The following CLIP4 variants were observed in gnomAD, a reference collection of about 807,000 sequenced individuals.
CLIP4 encodes CAP-Gly domain containing linker protein family member 4.
A neutral mutation model predicts 73.1 loss-of-function variants in CLIP4; 47 were observed. The observed-to-expected ratio is 0.64, with a 90% CI of 0.51 to 0.82. The LOEUF is 0.82. CLIP4 is among the 40% of genes least tolerant of loss of function. The pLI, the probability that CLIP4 is intolerant of heterozygous loss-of-function variation, is 0.00. For synonymous variants in CLIP4, 306 were observed against 295.4 expected (o/e 1.04, Z -0.37); for missense variants, 874 against 852.9 (o/e 1.02, Z -0.31).
intron 1 of CLIP4, among the ~76,000 whole-genome samples, chr2:29,100,182 G>A (rs1667999853): frequency 6.6e-6 from 1 of 151,948 alleles, no homozygotes; most frequent in African/African-American, 2.4e-5. Context: ...CGCCCACCGT[G>A]GCCTCCCAAA....
intron 1 of CLIP4, among the ~76,000 whole-genome samples, chr2:29,101,336 C>T (rs570662522): frequency 3.3e-5 from 5 of 151,034 alleles, no homozygotes; most frequent in Admixed American, 6.6e-5. Context: ...GTAGGGAAGC[C>T]GATAGTACAA....
At chr2:29,174,778 G>T in intron 15 of CLIP4, 1 of 599,908 alleles carries the variant, frequency 1.7e-6, no homozygotes. Flanking sequence ...TGAGAGATTT[G>T]ATTTAATATT....
At position 29,181,870 on chromosome 2, in the gene CLIP4, A is replaced by G; in HGVS notation, c.2095A>G (p.Lys699Glu). ...RVTYRGINGS[K>E]LVDENC ...GACCTATCGGGGAATTAATGGGTCA[A>G]AACTTGTGGATGAGAATTGTTAAGC... is the stretch of plus-strand genomic sequence containing the variant. The change falls in exon 16 of 16, where the codon AAA becomes GAA. Residue 699 changes from lysine (K) to glutamate (E), a missense_variant. Lys to Glu is a moderately conservative substitution (Grantham distance 56). Transcript: ENST00000320081. 1.2e-6 allele frequency: 2 copies of G among 1,608,412 alleles called. No homozygotes were observed. The highest frequency in any genetic ancestry group is 1.7e-6 in the Non-Finnish European group (2 of 1,176,004).
rs745464882 is a variant in CLIP4, at chr2:29,123,727, C to T, written c.133+2206C>T. ...GAGAAGGAATTGGAGAGTAAGACAC[C>T]GGCCAGGTCATGCGGGGTCATGTAG... On this transcript the variant is annotated intron_variant, in intron 2 of 15. Transcript: ENST00000320081. 7.2e-5 allele frequency among the ~76,000 whole-genome samples: 11 copies of T among 152,186 alleles called. 1 individual carries two copies. The South Asian group carries it at 1.2e-3, about 17-fold the overall frequency.
At position 29,178,842 on chromosome 2, in the gene CLIP4, T is replaced by C. The variant is rs569602192; in HGVS notation, c.1797-2730T>C. ...CAGAGTCTTGCTCTGTCGCCCAGGC[T>C]GGAGAGCAGTGGCACTATCTCAGCT... is the stretch of plus-strand genomic sequence containing the variant. On this transcript the variant is annotated intron_variant, in intron 15 of 15. Coordinates refer to ENST00000320081, the MANE Select transcript of CLIP4 (RefSeq NM_024692.6). 3.9e-5 allele frequency among the ~76,000 whole-genome samples: 6 copies of C among 152,308 alleles called. No homozygotes were observed. In the South Asian group the frequency reaches 1.2e-3, roughly 32 times the overall value.
In CLIP4 at chr2:29,143,627, A is replaced by C. The variant is rs971886400; in HGVS notation, c.649-82A>C. The C allele has an allele frequency of 2.1e-5, 19 of 917,304 alleles. No individual in the cohort carries two copies. The African/African-American group carries it at 2.8e-4, about 14-fold the overall frequency. The allele number at this position is 917,304 out of a possible 1,614,324, so 56.8% of individuals were successfully genotyped here. A position where few individuals can be genotyped will look rare whatever the true frequency, so the allele number is the denominator to read the frequency against. On this transcript the variant is annotated intron_variant, in intron 6 of 15. Coordinates refer to ENST00000320081, the MANE Select transcript of CLIP4 (RefSeq NM_024692.6). ...ACAAATGATGAATGAATTTAACGTA[A>C]AGTTCTTCCAACAGAAATTTTATAT...
chr2:29,126,457 A>G (rs565093281), intron 2 of CLIP4, among the ~76,000 whole-genome samples: 2 of 152,342 alleles, frequency 1.3e-5, no homozygotes, highest in East Asian at 3.9e-4. Context: ...GAGAATAACA[A>G]TAGTGCCTAC....
In CLIP4 at chr2:29,156,402, T is replaced by C. The variant is rs925930429; in HGVS notation, c.1214T>C (p.Leu405Ser). 12 of 1,589,362 alleles carry C rather than the reference T, an allele frequency of 7.6e-6. No individual in the cohort carries two copies. The highest frequency in any genetic ancestry group is 1.0e-5 in the Non-Finnish European group (12 of 1,174,092). ...KDSASESTLS[L>S]PPGEELKTVT... ...AGTGCTTCTGAGTCAACACTTTCAT[T>C]GCCTCCTGGTGAAGAACTTAAAACT... The change falls in exon 10 of 16, where the codon TTG becomes TCG. Residue 405 changes from leucine (L) to serine (S), a missense_variant. By Grantham distance (145) the Leu-to-Ser change is moderately radical. Coordinates refer to ENST00000320081, the MANE Select transcript of CLIP4 (RefSeq NM_024692.6).
intron 1 of CLIP4, 95 bp from the exon 2 acceptor site, chr2:29,121,279 T>C: frequency 8.3e-7 from 1 of 1,199,620 alleles, no homozygotes; most frequent in Non-Finnish European, 1.1e-6. Context: ...TCAGCAGATT[T>C]GACGTCAAAT....
intron 12 of CLIP4, among the ~76,000 whole-genome samples, chr2:29,162,432 G>A (rs553451239): frequency 1.3e-5 from 2 of 152,092 alleles, no homozygotes; most frequent in South Asian, 4.1e-4. Context: ...GTGCCACCTT[G>A]GAAAGAAAAT....
chr2:29,149,801 T>C (rs888776787), intron 8 of CLIP4, among the ~76,000 whole-genome samples: 3 of 151,952 alleles, frequency 2.0e-5, no homozygotes, highest in Non-Finnish European at 2.9e-5. Flanking sequence ...TTTTAAGCCA[T>C]AGAATTAAAT....
intron 13 of CLIP4, among the ~76,000 whole-genome samples, chr2:29,166,486 ACT>A (rs1250529469): frequency 6.6e-6 from 1 of 151,604 alleles, no homozygotes; most frequent in Non-Finnish European, 1.5e-5. Flanking sequence ...CTTTAGAGAA[ACT>A]CTAGGAAAAC....
chr2:29,105,458 C>T (rs188768480), intron 1 of CLIP4, among the ~76,000 whole-genome samples: 7 of 152,240 alleles, frequency 4.6e-5, no homozygotes, highest in African/African-American at 7.2e-5. Flanking sequence ...CATTTTGAAC[C>T]GTGCTGACAG....
At chr2:29,152,319 A>G (rs943801633) in intron 8 of CLIP4, among the ~76,000 whole-genome samples, 2 of 152,206 alleles carry the variant, frequency 1.3e-5, no homozygotes, top group Non-Finnish European at 2.9e-5. Context: ...ACATAGGTTC[A>G]AATTTCAGAT....
At chr2:29,141,016 T>C (rs1305031777) in intron 6 of CLIP4, among the ~76,000 whole-genome samples, 1 of 152,190 alleles carries the variant, frequency 6.6e-6, no homozygotes, top group African/African-American at 2.4e-5. Context: ...GAGGTTTTGG[T>C]ATATTGTGTC....
chr2:29,123,092 T>G (rs1179980461), intron 2 of CLIP4, among the ~76,000 whole-genome samples: 1 of 152,236 alleles, frequency 6.6e-6, no homozygotes, highest in Non-Finnish European at 1.5e-5. Context: ...GCCAAGTGAT[T>G]CTAGTTTGAT....
chr2:29,101,195 C>T (rs1023689744), intron 1 of CLIP4, among the ~76,000 whole-genome samples: 2 of 148,512 alleles, frequency 1.3e-5, no homozygotes, highest in African/African-American at 5.0e-5. Flanking sequence ...GAGGCTGAGG[C>T]AAGAGAATCA....
chr2:29,150,380 T>A (rs1378829253), intron 8 of CLIP4, among the ~76,000 whole-genome samples: 1 of 152,190 alleles, frequency 6.6e-6, no homozygotes, highest in Admixed American at 6.5e-5. Flanking sequence ...AGTGACTGTT[T>A]CCTGATCTAG....
chr2:29,180,571 T>C (rs1020669089), intron 15 of CLIP4, among the ~76,000 whole-genome samples: 4 of 152,212 alleles, frequency 2.6e-5, no homozygotes, highest in African/African-American at 9.6e-5. Flanking sequence ...TACATACATA[T>C]GTGTATAGAT....
Sources: gnomAD v4.1 joint callset for allele counts (sites outside exome capture counted in the v4.1 genomes callset) on GRCh38, gnomAD v4.1.1 for gene constraint, MANE v1.5 for transcripts, NCBI Gene and HGNC (gene_info 2026-07-23, HGNC 2026-07-21) for gene names.